Variants in PDE4D observed in about 807,000 individuals in gnomAD.
PDE4D encodes the protein phosphodiesterase 4D.
PDE4D carries 24 observed loss-of-function variants against 87.4 expected under a neutral mutation model. That is an observed-to-expected ratio of 0.27 (90% confidence interval 0.20 to 0.39). The LOEUF (loss-of-function observed/expected upper bound fraction) is 0.39. PDE4D is among the 10% of genes least tolerant of loss of function. The probability of loss-of-function intolerance (pLI) is 1.00; values close to 1 mark genes in which losing one functional copy is unlikely to be tolerated. For synonymous variants in PDE4D, 384 were observed against 383.2 expected (o/e 1.00, Z -0.02); for missense variants, 714 against 1,041.0 (o/e 0.69, Z 4.32).
intron 5 of PDE4D, among the ~76,000 whole-genome samples, chr5:59,071,264 T>C (rs1220189881): frequency 6.6e-6 from 1 of 152,156 alleles, no homozygotes; most frequent in East Asian, 1.9e-4. Flanking sequence ...TAATACTTTA[T>C]ATTGTGCTAA....
At position 60,336,946 on chromosome 5, in the gene PDE4D, T is replaced by C. The variant is rs536739319; in HGVS notation, c.-90+150996A>G. ...CAGCAACTCTATTCCTAGACAAAAA[T>C]CCACTATCCAATTATTTTATCTTCC... On this transcript the variant is annotated intron_variant, in intron 1 of 16. Transcript: ENST00000502484. Among the ~76,000 whole-genome samples, 3 of 152,226 alleles carry C rather than the reference T, an allele frequency of 2.0e-5. No individual in the cohort carries two copies. In the South Asian group the frequency reaches 6.2e-4, roughly 32 times the overall value.
Position 59,356,905 on chromosome 5 carries a change from T to TCTGGGGCC in PDE4D, c.456-140945_456-140938dup. On this transcript the variant is annotated intron_variant, in intron 1 of 14. Coordinates refer to ENST00000340635, the MANE Select transcript of PDE4D (RefSeq NM_001104631.2). ...CGAGAAGTCAGAGCTGGTGCGGGGCTCTGGGGCCCTGAGGCCCCGCACGGA... is the reference window on the plus strand; with the variant it reads ...CGAGAAGTCAGAGCTGGTGCGGGGCTCTGGGGCCCTGGGGCCCTGAGGCCCCGCACGGA... The TCTGGGGCC allele has an allele frequency of 4.1e-6, 6 of 1,472,950 alleles. 1 individual carries two copies. In the South Asian group the frequency reaches 8.8e-5, roughly 22 times the overall value. The allele number at this position is 1,472,950 out of a possible 1,614,324, so 91.2% of individuals were successfully genotyped here. A position where few individuals can be genotyped will look rare whatever the true frequency, so the allele number is the denominator to read the frequency against.
chr5:59,420,261 A>G (rs1161858052), intron 1 of PDE4D, among the ~76,000 whole-genome samples: 1 of 152,180 alleles, frequency 6.6e-6, no homozygotes, highest in Non-Finnish European at 1.5e-5. Context: ...AACCCCAATG[A>G]TCCCCATTGT....
chr5:59,805,387 A>T (rs1285168266), intron 1 of PDE4D, among the ~76,000 whole-genome samples: 1 of 152,254 alleles, frequency 6.6e-6, no homozygotes, highest in African/African-American at 2.4e-5. Flanking sequence ...TGATGGTGTC[A>T]GGAAGTGTAA....
intron 2 of PDE4D, among the ~76,000 whole-genome samples, chr5:60,001,492 A>G (rs980379384): frequency 6.6e-6 from 1 of 152,128 alleles, no homozygotes; most frequent in African/African-American, 2.4e-5. Flanking sequence ...TATAAGAAAT[A>G]CTAATGTGAT....
intron 2 of PDE4D, among the ~76,000 whole-genome samples, chr5:60,060,011 A>G (rs1771217312): frequency 6.6e-6 from 1 of 152,074 alleles, no homozygotes; most frequent in Admixed American, 6.6e-5. Flanking sequence ...TCAGGCATCT[A>G]AAGAAAGCTT....
At chr5:60,369,157 A>C in intron 1 of PDE4D, among the ~76,000 whole-genome samples, 2 of 147,840 alleles carry the variant, frequency 1.4e-5, no homozygotes, top group Admixed American at 6.7e-5. Flanking sequence ...TTCTCTTCTT[A>C]CCTGTCTTCC....
At chr5:59,195,054 C>T (rs935307873) in intron 2 of PDE4D, among the ~76,000 whole-genome samples, 2 of 152,050 alleles carry the variant, frequency 1.3e-5, no homozygotes, top group African/African-American at 4.8e-5. Context: ...ACTTGCCCTT[C>T]CATTTTTCCA....
intron 5 of PDE4D, among the ~76,000 whole-genome samples, chr5:59,087,783 C>A (rs1218825448): frequency 6.6e-6 from 1 of 152,116 alleles, no homozygotes; most frequent in Non-Finnish European, 1.5e-5. Flanking sequence ...TTTCATACTG[C>A]AATATTTGCT....
intron 1 of PDE4D, among the ~76,000 whole-genome samples, chr5:59,413,457 C>CAAAAAAAA (rs34074485): frequency 2.4e-4 from 13 of 54,418 alleles, no homozygotes; most frequent in African/African-American, 8.3e-4. Context: ...GACTCCATCT[C>CAAAAAAAA]AAAAAAAAAA....
chr5:59,203,996 G>A (rs1748155093), intron 2 of PDE4D, among the ~76,000 whole-genome samples: 1 of 152,138 alleles, frequency 6.6e-6, no homozygotes, highest in South Asian at 2.1e-4. Flanking sequence ...AAATTGCTGA[G>A]AGTAGATTTT....
chr5:60,047,271 A>T (rs1056001025), intron 2 of PDE4D, among the ~76,000 whole-genome samples: 34 of 151,754 alleles, frequency 2.2e-4, no homozygotes, highest in African/African-American at 8.2e-4. Context: ...TTTCTTTATT[A>T]GTCTTGCTAG....
At chr5:60,190,539 G>T (rs917292940) in intron 1 of PDE4D, among the ~76,000 whole-genome samples, 1 of 152,130 alleles carries the variant, frequency 6.6e-6, no homozygotes, top group Non-Finnish European at 1.5e-5. Flanking sequence ...CCTGCTAGAG[G>T]CTATAGAATC....
chr5:59,730,012 G>A (rs1029433640), intron 1 of PDE4D, among the ~76,000 whole-genome samples: 1 of 151,932 alleles, frequency 6.6e-6, no homozygotes, highest in African/African-American at 2.4e-5. Context: ...CTACACTCCT[G>A]GTGCTTAGGA....
chr5:59,136,659 T>C (rs943149795), intron 5 of PDE4D, among the ~76,000 whole-genome samples: 9 of 152,116 alleles, frequency 5.9e-5, no homozygotes, highest in Non-Finnish European at 1.5e-5. Context: ...TGTAATACTC[T>C]CTTGGAGGAT....
rs953045391 is a variant in PDE4D, at chr5:60,245,919, T to G, written c.-89-60232A>C. Among the ~76,000 whole-genome samples, 3 of 151,896 alleles carry G rather than the reference T, an allele frequency of 2.0e-5. No individual in the cohort carries two copies. The East Asian group carries it at 5.8e-4, about 30-fold the overall frequency. On this transcript the variant is annotated intron_variant, in intron 1 of 16. Transcript: ENST00000502484. Reference sequence around the variant, plus strand: ...ATTCAATTGTACAGTTTTAAATAACTAAAAGAGTATAATTGGATTGTTTGT... The same window carrying G: ...ATTCAATTGTACAGTTTTAAATAACGAAAAGAGTATAATTGGATTGTTTGT...
At chr5:60,168,765 A>G (rs1234966940) in intron 2 of PDE4D, among the ~76,000 whole-genome samples, 2 of 152,198 alleles carry the variant, frequency 1.3e-5, no homozygotes, top group African/African-American at 2.4e-5. Flanking sequence ...GAAAGTCTCT[A>G]CATGCTTACT....
chr5:59,316,135 G>C (rs1428247168), intron 1 of PDE4D, among the ~76,000 whole-genome samples: 1 of 152,092 alleles, frequency 6.6e-6, no homozygotes, highest in Non-Finnish European at 1.5e-5. Flanking sequence ...GTAACATTTA[G>C]ACTCTTTATT....
intron 1 of PDE4D, among the ~76,000 whole-genome samples, chr5:59,296,320 TTTCAGGCC>T (rs936405635): frequency 1.2e-4 from 19 of 152,206 alleles, no homozygotes; most frequent in African/African-American, 3.8e-4. Context: ...ATGGTAAACA[TTTCAGGCC>T]TTCAGGCCTT....
Sources: gnomAD v4.1 joint callset for allele counts (sites outside exome capture counted in the v4.1 genomes callset) on GRCh38, gnomAD v4.1.1 for gene constraint, MANE v1.5 for transcripts, NCBI Gene and HGNC (gene_info 2026-07-23, HGNC 2026-07-21) for gene names.